Variants in ZNF273 observed in about 807,000 individuals in gnomAD.
ZNF273 encodes the protein zinc finger protein 9.
Under a neutral mutation model 14.9 loss-of-function variants are expected in ZNF273, and 11 were observed. The ratio of observed to expected loss-of-function variants is 0.74; its 90% CI spans 0.46 to 1.22. The LOEUF (loss-of-function observed/expected upper bound fraction) is 1.22, where lower values mean the gene tolerates loss of function less well. Among genes scored for constraint, ZNF273 ranks in the 50% most tolerant of loss-of-function variants. ZNF273 has a pLI of 0.00. For synonymous variants in ZNF273, 199 were observed against 223.9 expected (o/e 0.89, Z 0.99); for missense variants, 577 against 660.6 (o/e 0.87, Z 1.39).
At chr7:64,924,680 C>CT (rs2129099601) in intron 3 of ZNF273, among the ~76,000 whole-genome samples, 1 of 152,278 alleles carries the variant, frequency 6.6e-6, no homozygotes, top group Admixed American at 6.5e-5. Context: ...ATTTTGACGT[C>CT]TGCTGCTCTC....
At chr7:64,904,433 G>C (rs1792949327) in intron 1 of ZNF273, among the ~76,000 whole-genome samples, 1 of 152,084 alleles carries the variant, frequency 6.6e-6, no homozygotes, top group Non-Finnish European at 1.5e-5. Context: ...CCTGGGACTG[G>C]AGCTACCTCA....
upstream of ZNF273, among the ~76,000 whole-genome samples, chr7:64,902,238 TAAAATTC>T (rs1792765949): frequency 6.6e-6 from 1 of 151,858 alleles, no homozygotes. Context: ...CTAGAATATT[TAAAATTC>T]ACATGTGGCT....
downstream of ZNF273, chr7:64,888,898 C>T (rs1791780536): frequency 4.1e-6 from 4 of 984,176 alleles, no homozygotes; most frequent in Non-Finnish European, 4.8e-6. Flanking sequence ...GCCCTGAGTG[C>T]CAGAGTCCAA....
intron 1 of ZNF273, among the ~76,000 whole-genome samples, chr7:64,904,172 A>G (rs745577940): frequency 6.6e-6 from 1 of 152,006 alleles, no homozygotes; most frequent in Non-Finnish European, 1.5e-5. Flanking sequence ...CACTGCAACC[A>G]ACGCCTCCCG....
chr7:64,925,153 C>A (rs781143316), intron 3 of ZNF273, among the ~76,000 whole-genome samples: 2 of 151,866 alleles, frequency 1.3e-5, no homozygotes, highest in African/African-American at 4.8e-5. Flanking sequence ...GTCTCTTGAT[C>A]GGAAAGTTAA....
At chr7:64,918,075 A>G (rs902122655) in intron 2 of ZNF273, 122 bp from the exon 3 acceptor site, 13 of 844,088 alleles carry the variant, frequency 1.5e-5, no homozygotes, top group South Asian at 1.2e-4. Context: ...TTACATTACT[A>G]ATTAGATATT....
downstream of ZNF273, among the ~76,000 whole-genome samples, chr7:64,890,579 C>T (rs1791946722): frequency 6.6e-6 from 1 of 152,204 alleles, no homozygotes; most frequent in Non-Finnish European, 1.5e-5. Context: ...GTGGAAGCCA[C>T]TGTCTCAGAG....
chr7:64,919,550 C>T (rs1336792359), intron 3 of ZNF273, among the ~76,000 whole-genome samples: 1 of 152,020 alleles, frequency 6.6e-6, no homozygotes, highest in Non-Finnish European at 1.5e-5. Flanking sequence ...GGACAATCAC[C>T]TGAACCTGGG....
chr7:64,901,716 C>G (rs796867033), upstream of ZNF273, among the ~76,000 whole-genome samples: 17 of 152,224 alleles, frequency 1.1e-4, no homozygotes, highest in African/African-American at 4.1e-4. Flanking sequence ...TTTGGGAGGC[C>G]GAGGCGGGCG....
upstream of ZNF273, chr7:64,903,137 C>A: frequency 1.9e-6 from 1 of 532,672 alleles, no homozygotes; most frequent in South Asian, 2.2e-5. Flanking sequence ...AGCAACTGAG[C>A]ACACCTTCTG....
downstream of ZNF273, among the ~76,000 whole-genome samples, chr7:64,883,210 C>T (rs533052810): frequency 0.011 from 1,274 of 111,422 alleles, 18 homozygotes; most frequent in African/African-American, 0.048. Context: ...GAGCCCAAAT[C>T]ACCACCCCCC....
chr7:64,914,881 G>A (rs535934908), intron 1 of ZNF273, among the ~76,000 whole-genome samples: 43 of 150,964 alleles, frequency 2.8e-4, no homozygotes, highest in African/African-American at 1.0e-3. Flanking sequence ...ACTCTCATCT[G>A]AGAAGGAATC....
chr7:64,932,236 A>T (rs370949220), downstream of ZNF273, among the ~76,000 whole-genome samples: 13 of 141,568 alleles, frequency 9.2e-5, no homozygotes, highest in East Asian at 2.2e-4. Flanking sequence ...AAAAAAAAAA[A>T]AAATATCTTA....
At chr7:64,937,277 G>A in the ZNF273 span, among the ~76,000 whole-genome samples, 1 of 152,188 alleles carries the variant, frequency 6.6e-6, no homozygotes, top group Non-Finnish European at 1.5e-5. Context: ...TTGACTAATA[G>A]TGAGTGAAAG....
Position 64,886,301 on chromosome 7 carries a change from GA to G in ZNF273, n.274-2271del, listed in dbSNP as rs145116280. Among the ~76,000 whole-genome samples, 1,397 of 152,328 alleles carry G rather than the reference GA, an allele frequency of 9.2e-3. 16 individuals are homozygous for G. The highest frequency in any genetic ancestry group is 0.032 in the African/African-American group (1,328 of 41,560). Reference sequence around the variant, plus strand: ...CCCGGGAAGGTTACTTCACCTTACTGAGCTGGTTTTCTCCTTAAAGTGGGGT... The same window carrying G: ...CCCGGGAAGGTTACTTCACCTTACTGGCTGGTTTTCTCCTTAAAGTGGGGT... On this transcript the variant is annotated intron_variant and non_coding_transcript_variant, in intron 1 of 1. Transcript: ENST00000471926.
At chr7:64,906,524 C>T (rs545247749) in intron 1 of ZNF273, among the ~76,000 whole-genome samples, 1 of 152,148 alleles carries the variant, frequency 6.6e-6, no homozygotes, top group South Asian at 2.1e-4. Context: ...AAGTTAATAC[C>T]TCTGACATGG....
chr7:64,918,160 T>A, intron 2 of ZNF273, 37 bp from the exon 3 acceptor site: 1 of 1,524,174 alleles, frequency 6.6e-7, no homozygotes, highest in South Asian at 1.1e-5. Flanking sequence ...TTGGAGAATA[T>A]GAGCAAGATT....
intron 1 of ZNF273, among the ~76,000 whole-genome samples, chr7:64,888,153 T>A (rs6976001): frequency 1.3e-5 from 2 of 152,160 alleles, no homozygotes; most frequent in Non-Finnish European, 2.9e-5. Context: ...GACCTGTGCT[T>A]CTTCCACCTG....
At position 64,917,703 on chromosome 7, in the gene ZNF273, C is replaced by A. The variant is rs1219545418; in HGVS notation, c.225C>A (p.Phe75Leu). Reference sequence around the variant, plus strand: ...TAGATAACTACAGAAACCTGGTCTTCCTGGGTGAGGATAATTTTAATACAT... The same window carrying A: ...TAGATAACTACAGAAACCTGGTCTTACTGGGTGAGGATAATTTTAATACAT... ...VMLDNYRNLV[F>L]LGIAVSKPDL... is the part of the protein sequence containing the mutation. The change falls in exon 2 of 4, where the codon TTC becomes TTA. Residue 75 changes from phenylalanine to leucine, a missense_variant. Phe to Leu is a conservative substitution (Grantham distance 22). Transcript: ENST00000476120. The A allele has an allele frequency of 6.3e-7, 1 of 1,587,712 alleles. No homozygotes were observed. The highest frequency in any genetic ancestry group is 8.6e-7 in the Non-Finnish European group (1 of 1,165,948).
Sources: allele counts gnomAD v4.1 joint callset (sites outside exome capture counted in the v4.1 genomes callset), GRCh38; gene constraint gnomAD v4.1.1; transcripts MANE v1.5; gene names NCBI Gene and HGNC (gene_info 2026-07-23, HGNC 2026-07-21).